The following GSG1L variants were observed in gnomAD, a reference collection of about 807,000 sequenced individuals.
GSG1L encodes germ cell-specific gene 1-like protein.
GSG1L carries 24 observed loss-of-function variants against 42.1 expected under a neutral mutation model. That is an observed-to-expected ratio of 0.57 (90% CI 0.41 to 0.80). The LOEUF is 0.80. Ranked by LOEUF, GSG1L falls within the 30% of genes least tolerant of loss-of-function variation. GSG1L has a pLI of 0.00. For synonymous variants in GSG1L, 215 were observed against 203.5 expected, an observed-to-expected ratio of 1.06 and a Z score of -0.48; for missense variants, 445 against 472.2, an observed-to-expected ratio of 0.94 and a Z score of 0.53.
At chr16:27,957,827 G>A (rs979450913) in intron 2 of GSG1L, among the ~76,000 whole-genome samples, 3 of 152,144 alleles carry the variant, frequency 2.0e-5, no homozygotes, top group African/African-American at 7.2e-5. Flanking sequence ...TTCTGGTGAG[G>A]CTTCAGGAAG....
intron 5 of GSG1L, among the ~76,000 whole-genome samples, chr16:27,811,340 TTCC>T (rs1256394229): frequency 6.6e-6 from 1 of 152,244 alleles, no homozygotes; most frequent in Non-Finnish European, 1.5e-5. Flanking sequence ...ATTTAGGTGT[TTCC>T]TCATTTTTGT....
intron 2 of GSG1L, among the ~76,000 whole-genome samples, chr16:27,897,446 G>T (rs1488266639): frequency 6.6e-6 from 1 of 152,096 alleles, no homozygotes; most frequent in Admixed American, 6.6e-5. Context: ...CCACAGGCAC[G>T]TTCTATTGTG....
chr16:27,811,688 G>A (rs991241561), intron 5 of GSG1L, among the ~76,000 whole-genome samples: 7 of 152,154 alleles, frequency 4.6e-5, no homozygotes, highest in South Asian at 2.1e-4. Context: ...TCGCTCTGTC[G>A]CCCAGGCTGG....
chr16:27,970,310 G>A (rs1054215914), intron 1 of GSG1L, among the ~76,000 whole-genome samples: 3 of 151,456 alleles, frequency 2.0e-5, no homozygotes, highest in East Asian at 2.0e-4. Context: ...GGTGGCTCAC[G>A]CCTGTAATCC....
chr16:27,937,550 C>G (rs911090494), intron 2 of GSG1L, among the ~76,000 whole-genome samples: 7 of 152,160 alleles, frequency 4.6e-5, no homozygotes, highest in African/African-American at 1.7e-4. Flanking sequence ...CCCCTTCTGC[C>G]CTCTCGAAGG....
intron 2 of GSG1L, among the ~76,000 whole-genome samples, chr16:27,941,274 G>A (rs2084790950): frequency 6.6e-6 from 1 of 151,986 alleles, no homozygotes; most frequent in Non-Finnish European, 1.5e-5. Context: ...TTAATATCCA[G>A]AATATATAAA....
At chr16:27,919,324 A>G (rs902406578) in intron 2 of GSG1L, among the ~76,000 whole-genome samples, 2 of 152,056 alleles carry the variant, frequency 1.3e-5, no homozygotes, top group African/African-American at 4.8e-5. Flanking sequence ...CATGGCCATC[A>G]TGGCTGCCCA....
chr16:27,895,056 G>A (rs1483367779), intron 2 of GSG1L, among the ~76,000 whole-genome samples: 3 of 152,160 alleles, frequency 2.0e-5, no homozygotes, highest in South Asian at 4.2e-4. Context: ...TTGCTGCTGT[G>A]AGCCTCAGTT....
At chr16:27,798,635 A>G (rs1266999942) in intron 6 of GSG1L, among the ~76,000 whole-genome samples, 1 of 151,902 alleles carries the variant, frequency 6.6e-6, no homozygotes, top group East Asian at 1.9e-4. Context: ...GGCCCCCTAA[A>G]CCCCATGCAC....
At chr16:27,936,590 T>C (rs1208982532) in intron 2 of GSG1L, among the ~76,000 whole-genome samples, 1 of 152,188 alleles carries the variant, frequency 6.6e-6, no homozygotes. Flanking sequence ...TGCAGAACCA[T>C]GAGCCAAATA....
intron 1 of GSG1L, among the ~76,000 whole-genome samples, chr16:28,033,167 T>C (rs2085987382): frequency 6.6e-6 from 1 of 152,156 alleles, no homozygotes; most frequent in South Asian, 2.1e-4. Flanking sequence ...CCCAGGGCCT[T>C]TGCACCTGCC....
chr16:27,960,581 A>T (rs1234637358), intron 2 of GSG1L, among the ~76,000 whole-genome samples: 1 of 152,158 alleles, frequency 6.6e-6, no homozygotes, highest in African/African-American at 2.4e-5. Context: ...GCGGCTGGGA[A>T]CAAGTCCCTC....
chr16:27,937,210 T>C (rs967821957), intron 2 of GSG1L, among the ~76,000 whole-genome samples: 3 of 152,100 alleles, frequency 2.0e-5, no homozygotes, highest in Non-Finnish European at 4.4e-5. Flanking sequence ...TTTTGAACTG[T>C]TGAGAAGCCA....
chr16:27,894,848 C>T (rs560614867), intron 2 of GSG1L, among the ~76,000 whole-genome samples: 1 of 152,284 alleles, frequency 6.6e-6, no homozygotes, highest in African/African-American at 2.4e-5. Context: ...GTGGGAGGCA[C>T]TGTTCCACCT....
intron 2 of GSG1L, among the ~76,000 whole-genome samples, chr16:27,929,433 G>T (rs933502769): frequency 6.6e-6 from 1 of 152,196 alleles, no homozygotes; most frequent in African/African-American, 2.4e-5. Flanking sequence ...GTGGGAATCA[G>T]CCGTAGGGCC....
intron 3 of GSG1L, among the ~76,000 whole-genome samples, chr16:27,859,622 C>T (rs1355815810): frequency 6.6e-6 from 1 of 152,260 alleles, no homozygotes; most frequent in Non-Finnish European, 1.5e-5. Context: ...CTCTTCTCAT[C>T]TGTTACATTC....
At chr16:27,842,277 T>C (rs1392838320) in intron 4 of GSG1L, among the ~76,000 whole-genome samples, 1 of 152,228 alleles carries the variant, frequency 6.6e-6, no homozygotes, top group Non-Finnish European at 1.5e-5. Flanking sequence ...ACACACCATG[T>C]GTGGAACATC....
At chr16:27,807,598 A>G in intron 5 of GSG1L, 44 bp from the exon 6 acceptor site, 2 of 1,549,554 alleles carry the variant, frequency 1.3e-6, no homozygotes, top group Non-Finnish European at 1.8e-6. Context: ...GGTAGGAAAG[A>G]GAAGGATGAG....
chr16:27,882,147 G>A (rs906062842), intron 3 of GSG1L, among the ~76,000 whole-genome samples: 25 of 152,148 alleles, frequency 1.6e-4, no homozygotes, highest in South Asian at 1.4e-3. Flanking sequence ...TCTCCTGATA[G>A]TGAGTCTCAC....
Sources: gnomAD v4.1 joint callset for allele counts (sites outside exome capture counted in the v4.1 genomes callset) on GRCh38, gnomAD v4.1.1 for gene constraint, MANE v1.5 for transcripts, NCBI Gene and HGNC (gene_info 2026-07-23, HGNC 2026-07-21) for gene names.